The following FBLN5 variants were observed in gnomAD, a reference collection of about 807,000 sequenced individuals.
FBLN5 encodes fibulin-5.
A neutral mutation model predicts 61.6 loss-of-function variants in FBLN5; 24 were observed. That is an observed-to-expected ratio of 0.39 (90% confidence interval 0.28 to 0.55). FBLN5 has a LOEUF of 0.55. Ranked by LOEUF, FBLN5 falls within the 20% of genes least tolerant of loss-of-function variation. The pLI is 0.65. For synonymous variants in FBLN5, 213 were observed against 219.8 expected, an observed-to-expected ratio of 0.97 and a Z score of 0.27; for missense variants, 470 against 594.1, an observed-to-expected ratio of 0.79 and a Z score of 2.17.
At chr14:91,935,970 T>C (rs1435073283) in intron 4 of FBLN5, among the ~76,000 whole-genome samples, 26 of 152,192 alleles carry the variant, frequency 1.7e-4, no homozygotes, top group Admixed American at 1.7e-3. Context: ...TGTTCCCTCA[T>C]AGCTCTGAAG....
At chr14:91,888,433 C>G (rs1454279966) in intron 6 of FBLN5, among the ~76,000 whole-genome samples, 1 of 151,736 alleles carries the variant, frequency 6.6e-6, no homozygotes, top group Non-Finnish European at 1.5e-5. Flanking sequence ...GGTGAAGTCC[C>G]GTCTCTACTA....
Position 91,894,986 on chromosome 14 carries a change from T to C in FBLN5, c.466A>G (p.Thr156Ala), listed in dbSNP as rs745765135. The change falls in exon 5 of 11, where the codon ACC (threonine) becomes GCC (alanine). Residue 156 changes from threonine to alanine, a missense_variant. Thr to Ala is a moderately conservative substitution (Grantham distance 58). Transcript: ENST00000342058. ...NTEGGYTCSC[T>A]DGYWLLEGQC... Reference sequence around the variant, plus strand: ...CCTTCCAGAAGCCAATATCCGTCGGTGCAGGAGCAGGTGTACCCGCCTTCA... The same window carrying C: ...CCTTCCAGAAGCCAATATCCGTCGGCGCAGGAGCAGGTGTACCCGCCTTCA... 1.2e-6 allele frequency: 2 copies of C among 1,614,146 alleles called. No individual in the cohort carries two copies. The highest frequency in any genetic ancestry group is 1.7e-6 in the Non-Finnish European group (2 of 1,180,014).
Position 91,937,185 on chromosome 14 carries a change from T to G in FBLN5, c.141A>C (p.Arg47=). 6.2e-7 allele frequency: 1 copy of G among 1,614,154 alleles called. No individual in the cohort carries two copies. The highest frequency in any genetic ancestry group is 8.5e-7 in the Non-Finnish European group (1 of 1,180,028). The part of the protein sequence containing the change: ...SGQCLDIDEC[R]TIPEACRGDM... ...CTCCTCGGCAGGCCTCGGGGATGGT[T>G]CGGCATTCATCAATATCTGAAAGGC... Residue 47 remains arginine (R), a synonymous_variant, in exon 4 of 11, where the codon CGA becomes CGC. Transcript: ENST00000342058.
At chr14:91,934,642 A>G (rs1280233089) in intron 4 of FBLN5, among the ~76,000 whole-genome samples, 1 of 152,226 alleles carries the variant, frequency 6.6e-6, no homozygotes, top group Non-Finnish European at 1.5e-5. Flanking sequence ...TCCCTGACTT[A>G]CCCACTGCTC....
chr14:91,901,323 C>A (rs974082372), intron 4 of FBLN5, among the ~76,000 whole-genome samples: 3 of 152,310 alleles, frequency 2.0e-5, no homozygotes, highest in Non-Finnish European at 4.4e-5. Flanking sequence ...AACATTCTCA[C>A]TGGGTGACAC....
At chr14:91,929,619 C>A (rs1313157927) in intron 4 of FBLN5, among the ~76,000 whole-genome samples, 2 of 152,254 alleles carry the variant, frequency 1.3e-5, no homozygotes, top group Non-Finnish European at 2.9e-5. Flanking sequence ...GCCTTAAAAT[C>A]ATTTCTTTCC....
intron 4 of FBLN5, among the ~76,000 whole-genome samples, chr14:91,909,543 G>A (rs1457316207): frequency 6.6e-6 from 1 of 152,160 alleles, no homozygotes; most frequent in East Asian, 1.9e-4. Flanking sequence ...GGAGCTTTTG[G>A]GAGGTAAATA....
rs755240987 is a variant in FBLN5 at position 91,894,966 on chromosome 14, C to T, written c.486G>A (p.Leu162=). The change falls in exon 5 of 11, where the codon CTG becomes CTA. Residue 162 remains leucine (L), a synonymous_variant. Transcript: ENST00000342058. ...TCSCTDGYWL[L]EGQCLDIDEC... is the part of the protein sequence containing the mutation. ...AGCTGTTACCTAAGCACTGGCCTTC[C>T]AGAAGCCAATATCCGTCGGTGCAGG... 2.0e-5 allele frequency: 33 copies of T among 1,613,958 alleles called. No homozygotes were observed. In the East Asian group the frequency reaches 5.8e-4, roughly 28 times the overall value.
At chr14:91,881,805 A>G (rs1185992971) in intron 8 of FBLN5, among the ~76,000 whole-genome samples, 1 of 151,746 alleles carries the variant, frequency 6.6e-6, no homozygotes, top group Non-Finnish European at 1.5e-5. Context: ...TAATTTAAAA[A>G]AAGAATGTAA....
Position 91,937,075 on chromosome 14 carries a change from T to A in FBLN5, c.251A>T (p.Tyr84Phe). The A allele has an allele frequency of 6.2e-7, 1 of 1,613,392 alleles. No individual in the cohort carries two copies. Among genetic ancestry groups the A allele is most frequent in the Non-Finnish European group, 8.5e-7 (1 of 1,179,798 alleles). The change falls in exon 4 of 11, where the codon TAC becomes TTC. Residue 84 changes from tyrosine (Y) to phenylalanine (F), a missense_variant. By Grantham distance (22) the Tyr-to-Phe change is conservative. Transcript: ENST00000342058. ...PVYRGPYSNP[Y>F]STPYSGPYPA... ...GTACGGACCTGAGTAGGGGGTCGAG[T>A]AGGGGTTCGAGTAGGGCCCTCGATA...
intron 10 of FBLN5, chr14:91,873,683 C>G (rs372401973): frequency 6.6e-6 from 1 of 152,296 alleles, no homozygotes; most frequent in Non-Finnish European, 1.5e-5. Flanking sequence ...ACGCTGGTAA[C>G]GGAAGAATGC....
intron 10 of FBLN5, among the ~76,000 whole-genome samples, chr14:91,875,917 G>A (rs929332517): frequency 3.3e-5 from 5 of 152,208 alleles, no homozygotes; most frequent in Non-Finnish European, 5.9e-5. Flanking sequence ...GGGAATTGAC[G>A]TGAGATGTAA....
Position 91,882,593 on chromosome 14 carries a change from T to A in FBLN5, c.862+361A>T, listed in dbSNP as rs763492212. Among the ~76,000 whole-genome samples, 5 of 152,230 alleles carry A rather than the reference T, an allele frequency of 3.3e-5. No homozygotes were observed. The highest frequency in any genetic ancestry group is 7.3e-5 in the Non-Finnish European group (5 of 68,042). ...CCAGGCCACGTAAGAAAGCCCGGGC[T>A]CTGGCCAGGCCATAAAAGTCCTGCT... On this transcript the variant is annotated intron_variant, in intron 8 of 10. Coordinates refer to ENST00000342058, the MANE Select transcript of FBLN5 (RefSeq NM_006329.4). This position sits in a 1 kb window ranked among gnomAD's most constrained non-coding sequence, Gnocchi z 4.9.
intron 9 of FBLN5, chr14:91,878,046 A>G (rs554432547): frequency 9.4e-6 from 4 of 423,914 alleles, no homozygotes; most frequent in South Asian, 7.0e-5. Flanking sequence ...TCAAAAAAAC[A>G]AAACAAAAAA....
chr14:91,935,700 T>C (rs1049137671), intron 4 of FBLN5, among the ~76,000 whole-genome samples: 5 of 152,126 alleles, frequency 3.3e-5, no homozygotes, highest in African/African-American at 1.2e-4. Flanking sequence ...AAGTTAAAGA[T>C]TGGTAAAAAA....
At chr14:91,902,905 A>G (rs1329763417) in intron 4 of FBLN5, among the ~76,000 whole-genome samples, 1 of 152,172 alleles carries the variant, frequency 6.6e-6, no homozygotes, top group Non-Finnish European at 1.5e-5. Context: ...GAAGATGGCC[A>G]CAATAGACAT....
At chr14:91,919,772 C>T (rs985944129) in intron 4 of FBLN5, among the ~76,000 whole-genome samples, 1 of 152,216 alleles carries the variant, frequency 6.6e-6, no homozygotes, top group Non-Finnish European at 1.5e-5. Context: ...CAGATCCTTC[C>T]CTTGCAGCCC....
chr14:91,930,957 C>T (rs2055912015), intron 4 of FBLN5, among the ~76,000 whole-genome samples: 1 of 152,154 alleles, frequency 6.6e-6, no homozygotes, highest in Non-Finnish European at 1.5e-5. Context: ...GTGACTCTTC[C>T]CCTGGGTTAT....
intron 4 of FBLN5, among the ~76,000 whole-genome samples, chr14:91,906,603 C>CTTTTCAGTG (rs1890696051): frequency 6.6e-6 from 1 of 152,236 alleles, no homozygotes; most frequent in Non-Finnish European, 1.5e-5. Context: ...GGATTAAACA[C>CTTTTCAGTG]TTTTCAGGAT....
Sources: gnomAD v4.1 joint callset for allele counts (sites outside exome capture counted in the v4.1 genomes callset) on GRCh38, gnomAD v4.1.1 for gene constraint, Gnocchi (gnomAD v3.1) non-coding constraint, MANE v1.5 for transcripts, NCBI Gene and HGNC (gene_info 2026-07-23, HGNC 2026-07-21) for gene names.